SMYD3: variants seen among roughly 807,000 people sequenced by gnomAD.
SMYD3 encodes the protein histone-lysine N-methyltransferase SMYD3.
Under a neutral mutation model 57.7 loss-of-function variants are expected in SMYD3, and 36 were observed. The ratio of observed to expected loss-of-function variants is 0.62; its 90% CI spans 0.48 to 0.82. The LOEUF (loss-of-function observed/expected upper bound fraction) is 0.82. Among genes scored for constraint, SMYD3 ranks in the 40% least tolerant of loss-of-function variants. The pLI is 0.00. For missense variants in SMYD3, 515 were observed against 538.8 expected (o/e 0.96, Z 0.44); for synonymous variants, 211 against 195.0 (o/e 1.08, Z -0.68).
intron 5 of SMYD3, among the ~76,000 whole-genome samples, chr1:246,104,808 T>C (rs1299161961): frequency 6.6e-6 from 1 of 152,168 alleles, no homozygotes; most frequent in Non-Finnish European, 1.5e-5. Context: ...AAACCACCTC[T>C]ATGTCCTTCC....
intron 5 of SMYD3, among the ~76,000 whole-genome samples, chr1:246,148,150 C>T (rs1232136603): frequency 6.6e-6 from 1 of 152,118 alleles, no homozygotes; most frequent in Non-Finnish European, 1.5e-5. Context: ...CTTGTGGTGC[C>T]TCGTCTGGGT....
intron 1 of SMYD3, among the ~76,000 whole-genome samples, chr1:246,391,599 T>C (rs2066574035): frequency 6.6e-6 from 1 of 151,994 alleles, no homozygotes; most frequent in East Asian, 1.9e-4. Context: ...AACAAACCAG[T>C]AATCATAAGA....
chr1:246,276,167 T>A (rs35293209), intron 5 of SMYD3, among the ~76,000 whole-genome samples: 5 of 124,712 alleles, frequency 4.0e-5, no homozygotes, highest in African/African-American at 1.4e-4. Flanking sequence ...CTGATGCCCA[T>A]GTTTGAATAC....
intron 5 of SMYD3, among the ~76,000 whole-genome samples, chr1:245,968,793 C>T (rs901306976): frequency 6.6e-6 from 1 of 152,094 alleles, no homozygotes; most frequent in African/African-American, 2.4e-5. Flanking sequence ...TTCTGTGCTG[C>T]CCTCGTCTTT....
chr1:246,005,660 C>T (rs1252652998), intron 5 of SMYD3, among the ~76,000 whole-genome samples: 1 of 152,194 alleles, frequency 6.6e-6, no homozygotes, highest in African/African-American at 2.4e-5. Context: ...TGTAAAGGGG[C>T]ACGCTTACAG....
intron 5 of SMYD3, among the ~76,000 whole-genome samples, chr1:245,940,570 C>CAAAAA (rs1282318369): frequency 6.6e-6 from 1 of 150,516 alleles, no homozygotes; most frequent in Non-Finnish European, 1.5e-5. Flanking sequence ...GTTAAAAAAA[C>CAAAAA]AAAACAAAAC....
At position 246,238,259 on chromosome 1, in the gene SMYD3, G is replaced by A. The variant is rs551044961; in HGVS notation, c.531+88942C>T. ...TTACCCAGGCTGCACTCGAACTCCT[G>A]AGCTCAAGCAATCTGCCCGCCTGAG... On this transcript the variant is annotated intron_variant, in intron 5 of 11. Transcript: ENST00000490107. 2.6e-5 allele frequency among the ~76,000 whole-genome samples: 4 copies of A among 152,226 alleles called. No homozygotes were observed. In the East Asian group the frequency reaches 7.7e-4, roughly 29 times the overall value.
chr1:246,177,138 A>G (rs912287032), intron 5 of SMYD3, among the ~76,000 whole-genome samples: 1 of 152,206 alleles, frequency 6.6e-6, no homozygotes, highest in Non-Finnish European at 1.5e-5. Flanking sequence ...CCTATTCATA[A>G]TATTAAGAAA....
intron 5 of SMYD3, among the ~76,000 whole-genome samples, chr1:246,016,370 G>A (rs1046979373): frequency 2.6e-5 from 4 of 152,056 alleles, no homozygotes; most frequent in Non-Finnish European, 4.4e-5. Context: ...ATCACCTGAG[G>A]TCAGGAGTTC....
intron 5 of SMYD3, among the ~76,000 whole-genome samples, chr1:246,304,679 A>T (rs562811144): frequency 1.1e-4 from 17 of 152,192 alleles, no homozygotes; most frequent in Non-Finnish European, 2.4e-4. Flanking sequence ...TTAGCCACAC[A>T]GTCACCATTA....
At chr1:245,834,661 C>T (rs984878569) in intron 10 of SMYD3, among the ~76,000 whole-genome samples, 80 of 152,232 alleles carry the variant, frequency 5.3e-4, no homozygotes, top group African/African-American at 1.9e-3. Context: ...CTGAGCAGCC[C>T]CAGTGGAGCA....
intron 5 of SMYD3, among the ~76,000 whole-genome samples, chr1:246,163,226 T>C (rs1255586808): frequency 6.6e-6 from 1 of 152,192 alleles, no homozygotes; most frequent in Non-Finnish European, 1.5e-5. Flanking sequence ...TCTATACTTG[T>C]AGGCTGTTTG....
At chr1:246,136,395 G>A (rs937434949) in intron 5 of SMYD3, among the ~76,000 whole-genome samples, 1 of 152,190 alleles carries the variant, frequency 6.6e-6, no homozygotes, top group African/African-American at 2.4e-5. Flanking sequence ...TCATGGAGGA[G>A]CCCGGAGACA....
chr1:245,932,829 T>A (rs10924391), intron 5 of SMYD3, among the ~76,000 whole-genome samples: 121,362 of 152,140 alleles, frequency 0.8, 49,682 homozygotes, highest in Non-Finnish European at 0.9. Context: ...CCCAAAATGC[T>A]GAGATTACAG....
At chr1:246,442,284 T>C (rs1220065227) in intron 1 of SMYD3, among the ~76,000 whole-genome samples, 1 of 152,126 alleles carries the variant, frequency 6.6e-6, no homozygotes, top group Non-Finnish European at 1.5e-5. Context: ...AGGCCAGGCA[T>C]GGTGGCTCAC....
At chr1:246,324,246 C>G (rs1199939032) in intron 5 of SMYD3, among the ~76,000 whole-genome samples, 1 of 151,846 alleles carries the variant, frequency 6.6e-6, no homozygotes, top group Non-Finnish European at 1.5e-5. Context: ...GCAACGTTGT[C>G]TCTACTAAAA....
chr1:246,024,020 A>C (rs909593810), intron 5 of SMYD3, among the ~76,000 whole-genome samples: 6 of 152,168 alleles, frequency 3.9e-5, no homozygotes, highest in Non-Finnish European at 8.8e-5. Context: ...AGGGGATAAA[A>C]TGAGGAACTA....
At chr1:246,036,576 C>A (rs537617147) in intron 5 of SMYD3, among the ~76,000 whole-genome samples, 1 of 144,862 alleles carries the variant, frequency 6.9e-6, no homozygotes, top group Non-Finnish European at 1.5e-5. Context: ...TTTTTTGAGA[C>A]GGAGTCTCGC....
chr1:245,986,241 G>A (rs534865784), intron 5 of SMYD3, among the ~76,000 whole-genome samples: 1 of 152,332 alleles, frequency 6.6e-6, no homozygotes, highest in South Asian at 2.1e-4. Context: ...TCAGTTTGGG[G>A]ATGTTAGGAA....
Sources: gnomAD v4.1 joint callset for allele counts (sites outside exome capture counted in the v4.1 genomes callset) on GRCh38, gnomAD v4.1.1 for gene constraint, MANE v1.5 for transcripts, NCBI Gene and HGNC (gene_info 2026-07-23, HGNC 2026-07-21) for gene names.